Variants in GAPVD1 observed in about 807,000 individuals in gnomAD.
GAPVD1 encodes GTPase-activating protein and VPS9 domain-containing protein 1.
GAPVD1 carries 35 observed loss-of-function variants against 155.5 expected under a neutral mutation model. The ratio of observed to expected loss-of-function variants is 0.23; its 90% confidence interval spans 0.17 to 0.30. GAPVD1 has a LOEUF of 0.30. Among genes scored for constraint, GAPVD1 ranks in the 10% least tolerant of loss-of-function variants. The pLI is 1.00. For synonymous variants in GAPVD1, 636 were observed against 619.7 expected (o/e 1.03, Z -0.39); for missense variants, 1,429 against 1,775.7 (o/e 0.80, Z 3.51).
chr9:125,286,384 T>A lies in GAPVD1; in HGVS notation c.-149-9074T>A, dbSNP rs988957152. Among the ~76,000 whole-genome samples, 14 of 152,150 alleles carry A rather than the reference T, an allele frequency of 9.2e-5. 1 individual carries two copies. The highest frequency in any genetic ancestry group is 9.2e-4 in the Admixed American group (14 of 15,264). ...ATCTTAAACTCTTGGGCTTAAGCAA[T>A]CTGCCTGCCTTGGCTTCCCAAAGTG... is the stretch of plus-strand genomic sequence containing the variant. On this transcript the variant is annotated intron_variant, in intron 2 of 27. Transcript: ENST00000297933.
chr9:125,325,243 C>T (rs555074947), intron 11 of GAPVD1, among the ~76,000 whole-genome samples: 2 of 145,792 alleles, frequency 1.4e-5, no homozygotes, highest in South Asian at 4.4e-4. Context: ...AAAGATGGGC[C>T]GGGTGCGGTG....
Position 125,354,774 on chromosome 9 carries a change from C to T in GAPVD1, c.3690C>T (p.Tyr1230=), listed in dbSNP as rs997073405. The T allele has an allele frequency of 2.5e-5, 41 of 1,613,686 alleles. No individual in the cohort carries two copies. Among genetic ancestry groups the T allele is most frequent in the Non-Finnish European group, 3.4e-5 (40 of 1,179,678 alleles). ...VLRDKEVANR[Y]FTTVCVRLLL... is the part of the protein sequence containing the mutation. Reference sequence around the variant, plus strand: ...GGGACAAAGAAGTGGCCAATCGATACTTTACCACTGTCTGTGTGAGATTAC... The same window carrying T: ...GGGACAAAGAAGTGGCCAATCGATATTTTACCACTGTCTGTGTGAGATTAC... Residue 1230 remains tyrosine, a synonymous_variant, in exon 24 of 28, where the codon TAC becomes TAT. Transcript: ENST00000297933.
chr9:125,314,697 AAAGAC>A (rs1843137062), intron 9 of GAPVD1, among the ~76,000 whole-genome samples: 1 of 151,958 alleles, frequency 6.6e-6, no homozygotes, highest in East Asian at 1.9e-4. Context: ...AAAGAAACAA[AAAGAC>A]AAGAAGAAGA....
chr9:125,350,975 C>T (rs936377130), intron 23 of GAPVD1, 103 bp downstream of exon 23: 12 of 908,478 alleles, frequency 1.3e-5, no homozygotes, highest in Non-Finnish European at 2.1e-5. Flanking sequence ...CTACAAAGTG[C>T]TTGGCTGTAT....
chr9:125,309,568 C>T (rs1046313511), intron 8 of GAPVD1, among the ~76,000 whole-genome samples: 3 of 152,188 alleles, frequency 2.0e-5, no homozygotes, highest in African/African-American at 7.2e-5. Context: ...CTCCTGACCT[C>T]AGGTGATCCA....
At chr9:125,315,360 T>C (rs112085601) in intron 9 of GAPVD1, among the ~76,000 whole-genome samples, 88 of 152,338 alleles carry the variant, frequency 5.8e-4, no homozygotes, top group African/African-American at 2.0e-3. Context: ...GAATGCTTAA[T>C]GAAGAAAAAG....
intron 27 of GAPVD1, among the ~76,000 whole-genome samples, chr9:125,362,386 GA>G (rs1295408229): frequency 6.6e-6 from 1 of 152,108 alleles, no homozygotes; most frequent in Non-Finnish European, 1.5e-5. Context: ...GAAACCTCTA[GA>G]TAGATTAGCT....
At chr9:125,360,148 T>A (rs543523468) in intron 26 of GAPVD1, among the ~76,000 whole-genome samples, 115 of 152,224 alleles carry the variant, frequency 7.6e-4, no homozygotes, top group Non-Finnish European at 1.3e-3. Flanking sequence ...AGAGCCAGTT[T>A]AAGCTAGTTT....
chr9:125,350,185 A>G (rs1564456147), intron 21 of GAPVD1, 110 bp from the exon 22 acceptor site: 1 of 675,470 alleles, frequency 1.5e-6, no homozygotes, highest in Admixed American at 3.3e-5. Flanking sequence ...CTTCTTTAAA[A>G]TGTTTGAAAC....
At chr9:125,310,101 T>C (rs1349646545) in intron 8 of GAPVD1, 1 of 246,970 alleles carries the variant, frequency 4.0e-6, no homozygotes, top group Non-Finnish European at 8.9e-6. Context: ...GCTTTTACTT[T>C]ATGTAAATTG....
At chr9:125,330,576 C>T (rs1036080076) in intron 13 of GAPVD1, among the ~76,000 whole-genome samples, 2 of 152,130 alleles carry the variant, frequency 1.3e-5, no homozygotes, top group African/African-American at 2.4e-5. Flanking sequence ...CTTGGCCTCC[C>T]GAAGTGCTGG....
chr9:125,323,364 G>C (rs1844674406), intron 10 of GAPVD1, among the ~76,000 whole-genome samples: 2 of 152,100 alleles, frequency 1.3e-5, no homozygotes, highest in Admixed American at 6.6e-5. Context: ...GGAGTGCAGT[G>C]GCGCGATCTC....
At chr9:125,289,110 G>A (rs976985568) in intron 2 of GAPVD1, among the ~76,000 whole-genome samples, 4 of 152,164 alleles carry the variant, frequency 2.6e-5, no homozygotes, top group Middle Eastern at 3.2e-3. Context: ...TATGTCTGTT[G>A]TCTTGAAATT....
chr9:125,361,987 G>A (rs1008618480), intron 27 of GAPVD1, among the ~76,000 whole-genome samples: 2 of 152,162 alleles, frequency 1.3e-5, no homozygotes, highest in Non-Finnish European at 2.9e-5. Flanking sequence ...GGGGTTGGTC[G>A]TCACAGCTCC....
chr9:125,362,906 C>CA lies in GAPVD1; in HGVS notation c.*162dup, dbSNP rs1330672043. The stretch of plus-strand genomic sequence containing the variant: ...TTTACTAAACAGGTTAATGAGCTAA[C>CA]AAGCAGGTTCTCTCGTCTTTGGGCT... On this transcript the variant is annotated 3_prime_UTR_variant, in exon 28 of 28. Coordinates refer to ENST00000297933, the MANE Select transcript of GAPVD1 (RefSeq NM_001282680.3). 2.1e-6 allele frequency: 1 copy of CA among 478,092 alleles called. No individual in the cohort carries two copies. Among genetic ancestry groups the CA allele is most frequent in the African/African-American group, 2.0e-5 (1 of 49,932 alleles). 29.6% of individuals were successfully genotyped at this position (478,092 alleles called of 1,614,324 possible). A position where few individuals can be genotyped will look rare whatever the true frequency, so the allele number is the denominator to read the frequency against.
chr9:125,283,385 C>T (rs958032935), intron 2 of GAPVD1, among the ~76,000 whole-genome samples: 5 of 151,538 alleles, frequency 3.3e-5, no homozygotes, highest in Admixed American at 6.6e-5. Flanking sequence ...TAGACAGGGT[C>T]GTGCTGTGTT....
chr9:125,308,076 A>G (rs1040814446), intron 8 of GAPVD1, 196 bp downstream of exon 8: 3 of 598,330 alleles, frequency 5.0e-6, no homozygotes, highest in African/African-American at 1.9e-5. Flanking sequence ...CTTTGCCTAC[A>G]TACTTTTCAT....
intron 1 of GAPVD1, among the ~76,000 whole-genome samples, chr9:125,265,274 C>G (rs1833674339): frequency 6.6e-6 from 1 of 151,654 alleles, no homozygotes; most frequent in Non-Finnish European, 1.5e-5. Context: ...TTTCTTCTTC[C>G]TTCTTTTTTT....
chr9:125,304,728 T>C (rs1354075791), intron 5 of GAPVD1, among the ~76,000 whole-genome samples: 1 of 152,206 alleles, frequency 6.6e-6, no homozygotes, highest in Non-Finnish European at 1.5e-5. Context: ...TGAGTCAGCT[T>C]TTACAAATTA....
Sources: allele counts gnomAD v4.1 joint callset (sites outside exome capture counted in the v4.1 genomes callset), GRCh38; gene constraint gnomAD v4.1.1; transcripts MANE v1.5; gene names NCBI Gene and HGNC (gene_info 2026-07-23, HGNC 2026-07-21).